TGM5: variants seen among roughly 807,000 people sequenced by gnomAD.
The protein encoded by TGM5 is transglutaminase 5.
In TGM5, 69 loss-of-function variants were observed where a neutral mutation model predicts 77.2. That is an observed-to-expected ratio of 0.89 (90% CI 0.74 to 1.09). The LOEUF (loss-of-function observed/expected upper bound fraction) is 1.09, where lower values mean the gene tolerates loss of function less well. Ranked by LOEUF, TGM5 falls within the 50% of genes least tolerant of loss-of-function variation. TGM5 has a pLI of 0.00. For synonymous variants in TGM5, 346 were observed against 351.8 expected (o/e 0.98, Z 0.18); for missense variants, 842 against 896.5 (o/e 0.94, Z 0.78).
chr15:43,233,710 G>A (rs1252934791), intron 11 of TGM5, 23 bp from the exon 12 acceptor site: 8 of 1,613,526 alleles, frequency 5.0e-6, no homozygotes, highest in East Asian at 4.5e-5. Flanking sequence ...GGAGGGGAAG[G>A]AGAATTAGTT....
At chr15:43,260,729 CAGGATGAGGATA>C (rs773793205) in intron 1 of TGM5, 150 bp from the exon 2 acceptor site, 3 of 826,292 alleles carry the variant, frequency 3.6e-6, no homozygotes, top group South Asian at 2.8e-5. Context: ...ATCAGCCTGC[CAGGATGAGGATA>C]AGGATGAGGA....
chr15:43,260,709 A>G (rs1566837280), intron 1 of TGM5, 130 bp from the exon 2 acceptor site: 2 of 958,292 alleles, frequency 2.1e-6, no homozygotes, highest in Non-Finnish European at 3.3e-6. Context: ...AGTAAAATAG[A>G]GTCCATAAGA....
chr15:43,246,618 C>G (rs1338082399), intron 6 of TGM5, among the ~76,000 whole-genome samples: 1 of 152,112 alleles, frequency 6.6e-6, no homozygotes, highest in Non-Finnish European at 1.5e-5. Flanking sequence ...GCAGTCTTAA[C>G]AAGTTAACGA....
Position 43,253,589 on chromosome 15 carries a change from T to G in TGM5, c.601A>C (p.Ser201Arg). Residue 201 changes from serine (S) to arginine (R), a missense_variant, in exon 5 of 13, where the codon AGC becomes CGC. Ser to Arg is a moderately radical substitution (Grantham distance 110). Transcript: ENST00000220420. The part of the protein sequence containing the change: ...IDICLKLLDK[S>R]LHFQTDPATD... ...GCTGGGTCAGTCTGGAAGTGCAGGC[T>G]CTTGTCTAGCAGCTTCAGGCAGATG... 6.2e-7 allele frequency: 1 copy of G among 1,613,930 alleles called. No individual in the cohort carries two copies. The highest frequency in any genetic ancestry group is 8.5e-7 in the Non-Finnish European group (1 of 1,180,044).
chr15:43,239,096 C>T (rs775595913), intron 8 of TGM5, 40 bp from the exon 9 acceptor site: 1 of 1,614,024 alleles, frequency 6.2e-7, no homozygotes. Flanking sequence ...CTGTTTGTTG[C>T]AGGGCTGGGC....
At position 43,260,467 on chromosome 15, in the gene TGM5, G is replaced by A. The variant is rs1249522057; in HGVS notation, c.123C>T (p.Leu41=). Reference sequence around the variant, plus strand: ...AGCTCCGGTTCCTGAAGTACAGGGTGAGGTTGAAGGCCTGGCCCCGGCGAA... The same window carrying A: ...AGCTCCGGTTCCTGAAGTACAGGGTAAGGTTGAAGGCCTGGCCCCGGCGAA... ...LLVRRGQAFN[L]TLYFRNRSFQ... The change falls in exon 2 of 13, where the codon CTC becomes CTT. Residue 41 remains leucine (L), a synonymous_variant. Transcript: ENST00000220420. 1.9e-6 allele frequency: 3 copies of A among 1,614,218 alleles called. No individual in the cohort carries two copies. The South Asian group carries it at 3.3e-5, about 18-fold the overall frequency.
Position 43,235,566 on chromosome 15 carries a change from G to A in TGM5, c.1617C>T (p.Leu539=), listed in dbSNP as rs1243871042. Residue 539 remains leucine (L), a synonymous_variant, in exon 10 of 13, where the codon CTC becomes CTT. Coordinates refer to ENST00000220420, the MANE Select transcript of TGM5 (RefSeq NM_201631.4). ...GAGACTGGGCACTCAGGTTCACTTT[G>A]AGGTCCTTGAACTGGGAGGACATGT... ...ALNMSSQFKD[L]KVNLSAQSLL... The A allele has an allele frequency of 1.9e-6, 3 of 1,614,218 alleles. No homozygotes were observed. Among genetic ancestry groups the A allele is most frequent in the Non-Finnish European group, 2.5e-6 (3 of 1,180,040 alleles).
intron 11 of TGM5, 138 bp from the exon 12 acceptor site, chr15:43,233,825 G>T: frequency 9.8e-7 from 1 of 1,024,500 alleles, no homozygotes; most frequent in South Asian, 1.4e-5. Flanking sequence ...TCTTTGAGCC[G>T]AAGACAATTG....
Position 43,263,165 on chromosome 15 carries a change from C to T in TGM5, c.11-2586G>A, listed in dbSNP as rs899118218. ...TGACTTAGTAAATTTAACAAAAGTG[C>T]AAAGCCTATATCACAAAACATCACT... On this transcript the variant is annotated intron_variant, in intron 1 of 12. Coordinates refer to ENST00000220420, the MANE Select transcript of TGM5 (RefSeq NM_201631.4). 2.0e-5 allele frequency among the ~76,000 whole-genome samples: 3 copies of T among 152,126 alleles called. No individual in the cohort carries two copies. The East Asian group carries it at 5.8e-4, about 29-fold the overall frequency.
intron 7 of TGM5, among the ~76,000 whole-genome samples, chr15:43,240,000 C>T (rs972444869): frequency 1.3e-5 from 2 of 152,126 alleles, no homozygotes; most frequent in African/African-American, 4.8e-5. Context: ...CTTCCTGTCT[C>T]TCAGTCTCAT....
intron 6 of TGM5, among the ~76,000 whole-genome samples, chr15:43,252,403 GC>G (rs540141571): frequency 3.9e-5 from 6 of 151,912 alleles, no homozygotes; most frequent in Admixed American, 3.9e-4. Context: ...TGCAACCTCT[GC>G]CCCCCCGGGT....
intron 6 of TGM5, among the ~76,000 whole-genome samples, chr15:43,251,877 C>A (rs1192785274): frequency 6.6e-6 from 1 of 152,204 alleles, no homozygotes; most frequent in Non-Finnish European, 1.5e-5. Context: ...AATGTAGTAT[C>A]CATTCCTTAT....
chr15:43,261,097 T>TTG (rs1566837539), intron 1 of TGM5, among the ~76,000 whole-genome samples: 1,608 of 97,266 alleles, frequency 0.017, 85 homozygotes, highest in African/African-American at 0.074. Flanking sequence ...TTTTTTTTTT[T>TTG]TTTTTTTTTT....
chr15:43,240,961 C>T lies in TGM5; in HGVS notation c.892G>A (p.Val298Met), dbSNP rs758405420. The T allele has an allele frequency of 5.6e-6, 9 of 1,614,160 alleles. No individual in the cohort carries two copies. The highest frequency in any genetic ancestry group is 7.6e-6 in the Non-Finnish European group (9 of 1,180,040). The change falls in exon 7 of 13, where the codon GTG becomes ATG. Residue 298 changes from valine (V) to methionine (M), a missense_variant. By Grantham distance (21) the Val-to-Met change is conservative. This residue lies in a region of TGM5 where 815 missense variants were observed against 844.6 expected (regional missense o/e 0.96). Transcript: ENST00000220420. ...TGGCCAGAGTCGAAGTTGGTGATCA[C>T]ACGGGTAGGGATCCCCAGACACCTC... ...VMRCLGIPTRVITNFDSGHDT... is the reference protein window; with the variant it reads ...VMRCLGIPTRMITNFDSGHDT...
Position 43,260,076 on chromosome 15 carries a change from G to A in TGM5, c.412C>T (p.Leu138=), listed in dbSNP as rs770915289. The change falls in exon 3 of 13, where the codon CTG becomes TTG. Residue 138 remains leucine (L), a synonymous_variant. Coordinates refer to ENST00000220420, the MANE Select transcript of TGM5 (RefSeq NM_201631.4). ...VTAYQLGEFI[L]LFNPWCPEDA... Reference sequence around the variant, plus strand: ...CCTGGGCACCAGGGATTGAAAAGCAGGATGAACTCCCCTAGCTGGTAGGCC... The same window carrying A: ...CCTGGGCACCAGGGATTGAAAAGCAAGATGAACTCCCCTAGCTGGTAGGCC... 3.1e-6 allele frequency: 5 copies of A among 1,613,990 alleles called. No individual in the cohort carries two copies. The highest frequency in any genetic ancestry group is 3.4e-6 in the Non-Finnish European group (4 of 1,180,040).
intron 4 of TGM5, among the ~76,000 whole-genome samples, chr15:43,254,542 C>T (rs897983248): frequency 1.3e-4 from 20 of 152,322 alleles, no homozygotes; most frequent in Middle Eastern, 3.4e-3. Context: ...AGGCCTCCTA[C>T]AGCCTAGAGA....
chr15:43,249,120 T>C (rs926667721), intron 6 of TGM5, among the ~76,000 whole-genome samples: 10 of 152,104 alleles, frequency 6.6e-5, no homozygotes, highest in African/African-American at 2.2e-4. Context: ...GATGATGCTG[T>C]ACACCTGCTT....
chr15:43,262,824 C>G (rs2042799538), intron 1 of TGM5, among the ~76,000 whole-genome samples: 2 of 152,186 alleles, frequency 1.3e-5, no homozygotes, highest in African/African-American at 4.8e-5. Flanking sequence ...AGGAACAAGA[C>G]AAGAATGTCT....
At chr15:43,254,817 A>G (rs758022409) in intron 4 of TGM5, among the ~76,000 whole-genome samples, 2 of 152,022 alleles carry the variant, frequency 1.3e-5, no homozygotes, top group Admixed American at 6.5e-5. Flanking sequence ...GGAAGCTTCT[A>G]TGATACTCCC....
Sources: gnomAD v4.1 joint callset for allele counts (sites outside exome capture counted in the v4.1 genomes callset) on GRCh38, gnomAD v4.1.1 for gene constraint, gnomAD v4.1.1 regional missense constraint, MANE v1.5 for transcripts, NCBI Gene and HGNC (gene_info 2026-07-23, HGNC 2026-07-21) for gene names.